The following AOAH variants were observed in gnomAD, a reference collection of about 807,000 sequenced individuals.
AOAH encodes the protein acyloxyacyl hydrolase.
AOAH carries 64 observed loss-of-function variants against 92.2 expected under a neutral mutation model. The ratio of observed to expected loss-of-function variants is 0.69; its 90% CI spans 0.57 to 0.86. The LOEUF (loss-of-function observed/expected upper bound fraction) is 0.86. Ranked by LOEUF, AOAH falls within the 40% of genes least tolerant of loss-of-function variation. The probability of loss-of-function intolerance (pLI) is 0.00; values close to 1 mark genes in which losing one functional copy is unlikely to be tolerated. For missense variants in AOAH, 656 were observed against 694.6 expected, an observed-to-expected ratio of 0.94 and a Z score of 0.62; for synonymous variants, 263 against 254.5, an observed-to-expected ratio of 1.03 and a Z score of -0.32.
chr7:36,598,635 G>A (rs530418101), intron 11 of AOAH, among the ~76,000 whole-genome samples: 6 of 152,306 alleles, frequency 3.9e-5, no homozygotes, highest in African/African-American at 1.4e-4. Flanking sequence ...AGGTTTAAGA[G>A]GAGTGACATT....
intron 13 of AOAH, among the ~76,000 whole-genome samples, chr7:36,557,547 G>T (rs1235792839): frequency 1.3e-5 from 2 of 151,786 alleles, no homozygotes; most frequent in Admixed American, 6.5e-5. Flanking sequence ...GCTAGATTGG[G>T]GAAGTTCTCC....
chr7:36,715,939 C>T (rs1217632466), intron 1 of AOAH, among the ~76,000 whole-genome samples: 5 of 152,044 alleles, frequency 3.3e-5, no homozygotes, highest in African/African-American at 1.2e-4. Context: ...TCTAAAACAC[C>T]AAAAGCAATG....
At position 36,673,847 on chromosome 7, in the gene AOAH, G is replaced by A. The variant is rs866821659; in HGVS notation, c.290+96C>T. 87 of 792,492 alleles carry A rather than the reference G, an allele frequency of 1.1e-4. 2 individuals carry two copies. In the Middle Eastern group the frequency reaches 9.0e-3, roughly 82 times the overall value. 49.1% of individuals were successfully genotyped at this position (792,492 alleles called of 1,614,324 possible). ...ACACCTCGAGCCCTGTCCAGAAAGC[G>A]CATCATGCTGAACACAGAGCCTCCC... is the stretch of plus-strand genomic sequence containing the variant. On this transcript the variant is annotated intron_variant, in intron 3 of 20. Transcript: ENST00000617537.
At position 36,517,254 on chromosome 7, in the gene AOAH, G is replaced by GTCTCTC. The variant is rs1217015209; in HGVS notation, c.1600-3875_1600-3874insGAGAGA. Among the ~76,000 whole-genome samples, 132 of 62,922 alleles carry GTCTCTC rather than the reference G, an allele frequency of 2.1e-3. 2 individuals are homozygous for GTCTCTC. Among genetic ancestry groups the GTCTCTC allele is most frequent in the Middle Eastern group, 7.8e-3 (1 of 128 alleles). The allele number at this position is 62,922 out of a possible 152,430, so 41.3% of individuals were successfully genotyped here. A position where few individuals can be genotyped will look rare whatever the true frequency, so the allele number is the denominator to read the frequency against. The stretch of plus-strand genomic sequence containing the variant: ...TCTCTCTCTCTCTCTCTTTCTTTCT[G>GTCTCTC]TGTCTCTCTCTTTCTTTCTTTCTTT... On this transcript the variant is annotated intron_variant, in intron 20 of 20. Coordinates refer to ENST00000617537, the MANE Select transcript of AOAH (RefSeq NM_001637.4).
chr7:36,699,991 G>T (rs1423264697), intron 1 of AOAH, among the ~76,000 whole-genome samples: 1 of 151,838 alleles, frequency 6.6e-6, no homozygotes, highest in Middle Eastern at 3.2e-3. Context: ...AGAGACAAGG[G>T]TCTAGTCTCA....
At chr7:36,620,715 T>C (rs1363213335) in intron 9 of AOAH, 66 bp downstream of exon 9, 19 of 1,488,780 alleles carry the variant, frequency 1.3e-5, no homozygotes, top group South Asian at 2.3e-5. Context: ...AAAGCAAATA[T>C]GTGATGAGCT....
chr7:36,672,936 A>C (rs1796017017), intron 3 of AOAH, among the ~76,000 whole-genome samples: 1 of 152,176 alleles, frequency 6.6e-6, no homozygotes, highest in South Asian at 2.1e-4. Context: ...TTTTATACAT[A>C]ATAAAACTAT....
At chr7:36,537,765 C>T (rs1023228773) in intron 16 of AOAH, among the ~76,000 whole-genome samples, 2 of 151,884 alleles carry the variant, frequency 1.3e-5, no homozygotes, top group Non-Finnish European at 2.9e-5. Context: ...TCAGGTGATC[C>T]GCCCACCTTG....
chr7:36,551,275 T>C (rs1486351030), intron 13 of AOAH, among the ~76,000 whole-genome samples: 2 of 152,120 alleles, frequency 1.3e-5, no homozygotes. Context: ...GGTTTCACCA[T>C]GTTGGTCAGG....
chr7:36,596,173 C>CGA (rs57178014), intron 11 of AOAH, among the ~76,000 whole-genome samples: 2 of 146,708 alleles, frequency 1.4e-5, no homozygotes, highest in Non-Finnish European at 3.0e-5. Flanking sequence ...GCCCCCCCAC[C>CGA]CCCCGTCACC....
intron 20 of AOAH, among the ~76,000 whole-genome samples, chr7:36,515,650 C>T (rs1321655136): frequency 7.8e-6 from 1 of 128,368 alleles, no homozygotes; most frequent in Admixed American, 7.9e-5. Flanking sequence ...CACACCAACA[C>T]CACACACACA....
intron 11 of AOAH, among the ~76,000 whole-genome samples, chr7:36,613,613 C>G (rs1233536115): frequency 6.6e-6 from 1 of 152,208 alleles, no homozygotes; most frequent in African/African-American, 2.4e-5. Context: ...TAGCCTTTCT[C>G]CTGAGTTCCA....
At chr7:36,707,248 G>A (rs1226674492) in intron 1 of AOAH, among the ~76,000 whole-genome samples, 1 of 151,912 alleles carries the variant, frequency 6.6e-6, no homozygotes, top group Non-Finnish European at 1.5e-5. Flanking sequence ...GAATAGGGAG[G>A]GCAATGGAGA....
At chr7:36,558,262 T>G (rs1033178832) in intron 13 of AOAH, among the ~76,000 whole-genome samples, 1 of 152,212 alleles carries the variant, frequency 6.6e-6, no homozygotes, top group Admixed American at 6.5e-5. Flanking sequence ...CCAGACCCTG[T>G]TTGCCTGGGT....
Position 36,621,797 on chromosome 7 carries a change from C to A in AOAH, c.583-17G>T. ...CCGCAGTGTCTGAAATTGAAGAGCACACACAGGAGGGGTTCAGCCTGCTTT... is the reference window on the plus strand; with the variant it reads ...CCGCAGTGTCTGAAATTGAAGAGCAAACACAGGAGGGGTTCAGCCTGCTTT... On this transcript the variant is annotated splice_polypyrimidine_tract_variant and intron_variant, in intron 7 of 20. Coordinates refer to ENST00000617537, the MANE Select transcript of AOAH (RefSeq NM_001637.4). 10 of 1,613,556 alleles carry A rather than the reference C, an allele frequency of 6.2e-6. No individual in the cohort carries two copies. The highest frequency in any genetic ancestry group is 8.5e-6 in the Non-Finnish European group (10 of 1,179,478).
At position 36,640,507 on chromosome 7, in the gene AOAH, T is replaced by C. The variant is rs183445471; in HGVS notation, c.391-2597A>G. 4.3e-3 allele frequency among the ~76,000 whole-genome samples: 656 copies of C among 152,192 alleles called. 8 individuals carry two copies. The highest frequency in any genetic ancestry group is 0.015 in the African/African-American group (631 of 41,510). ...CCTTGAGGCCGGGGCAACAGGGGCTTAGCCAGCACAGACAGAGTGGCTGTG... is the reference window on the plus strand; with the variant it reads ...CCTTGAGGCCGGGGCAACAGGGGCTCAGCCAGCACAGACAGAGTGGCTGTG... On this transcript the variant is annotated intron_variant, in intron 4 of 20. Transcript: ENST00000617537.
intron 13 of AOAH, among the ~76,000 whole-genome samples, chr7:36,566,288 CCTT>C (rs368888309): frequency 2.7e-4 from 41 of 151,750 alleles, no homozygotes; most frequent in African/African-American, 9.9e-4. Context: ...AAAAATAAGT[CCTT>C]CTACGTGTAA....
intron 20 of AOAH, among the ~76,000 whole-genome samples, chr7:36,517,220 C>CTTTCT (rs1562854015): frequency 1.1e-3 from 59 of 54,254 alleles, no homozygotes; most frequent in African/African-American, 2.2e-3. Context: ...CTTTCTCTTT[C>CTTTCT]TTTCTGTCTC....
At chr7:36,713,444 C>G (rs960853804) in intron 1 of AOAH, among the ~76,000 whole-genome samples, 7 of 152,060 alleles carry the variant, frequency 4.6e-5, no homozygotes, top group African/African-American at 1.4e-4. Flanking sequence ...ACAAGGATAT[C>G]CAGGAATTGA....
Sources: gnomAD v4.1 joint callset for allele counts (sites outside exome capture counted in the v4.1 genomes callset) on GRCh38, gnomAD v4.1.1 for gene constraint, MANE v1.5 for transcripts, NCBI Gene and HGNC (gene_info 2026-07-23, HGNC 2026-07-21) for gene names.